The following PHKB variants were observed in gnomAD, a reference collection of about 807,000 sequenced individuals.
PHKB encodes the protein phosphorylase b kinase regulatory subunit beta.
In PHKB, 122 loss-of-function variants were observed where a neutral mutation model predicts 152.1. The observed-to-expected ratio is 0.80, with a 90% CI of 0.69 to 0.93. The LOEUF (loss-of-function observed/expected upper bound fraction) is 0.93. Among genes scored for constraint, PHKB ranks in the 40% least tolerant of loss-of-function variants. PHKB has a pLI of 0.00. For synonymous variants in PHKB, 436 were observed against 464.9 expected (o/e 0.94, Z 0.80); for missense variants, 1,304 against 1,328.4 (o/e 0.98, Z 0.29).
chr16:47,566,793 G>C, intron 7 of PHKB: 3 of 732,988 alleles, frequency 4.1e-6, no homozygotes, highest in Non-Finnish European at 7.6e-6. Context: ...GACTGGTTTG[G>C]AAACATAAGT....
chr16:47,624,648 A>G lies in PHKB; in HGVS notation c.1458+13728A>G, dbSNP rs990427412. Among the ~76,000 whole-genome samples the G allele has an allele frequency of 5.3e-5, 8 of 151,962 alleles. 1 individual carries two copies. Among genetic ancestry groups the G allele is most frequent in the Non-Finnish European group, 1.2e-4 (8 of 67,990 alleles). ...CCAATTGATATTCAGTCTTTCCTCT[A>G]TATTTTGTACCTTTCTCTCTACTTA... On this transcript the variant is annotated intron_variant, in intron 14 of 30. Transcript: ENST00000323584.
rs141526941 is a variant in PHKB at position 47,565,996 on chromosome 16, G to A, written c.711-14299G>A. On this transcript the variant is annotated intron_variant, in intron 7 of 30. Coordinates refer to ENST00000323584, the MANE Select transcript of PHKB (RefSeq NM_000293.3). ...CTGGAGCTCTATGACCGATCATCCC[G>A]TCTGTTGGATCAGTCTTCATCACAG... The A allele has an allele frequency of 1.8e-4, 133 of 752,074 alleles. 1 individual carries two copies. Among genetic ancestry groups the A allele is most frequent in the African/African-American group, 1.5e-3 (86 of 57,006 alleles). The allele number at this position is 752,074 out of a possible 1,614,324, so 46.6% of individuals were successfully genotyped here. A position where few individuals can be genotyped will look rare whatever the true frequency, so the allele number is the denominator to read the frequency against.
intron 1 of PHKB, among the ~76,000 whole-genome samples, chr16:47,484,773 T>C: frequency 6.6e-6 from 1 of 152,238 alleles, no homozygotes; most frequent in East Asian, 1.9e-4. Context: ...GAATAATGTA[T>C]ATAAACTATC....
At chr16:47,561,240 A>G (rs1488581578) in intron 7 of PHKB, 1 of 152,218 alleles carries the variant, frequency 6.6e-6, no homozygotes. Context: ...CTTAAAAAAC[A>G]GTGGGCAGGT....
intron 6 of PHKB, among the ~76,000 whole-genome samples, chr16:47,544,221 A>T (rs1971116236): frequency 6.6e-6 from 1 of 152,188 alleles, no homozygotes; most frequent in African/African-American, 2.4e-5. Flanking sequence ...TCCGATAGGC[A>T]TTTAGTGCTA....
intron 10 of PHKB, 69 bp downstream of exon 10, chr16:47,589,171 A>C: frequency 8.5e-7 from 1 of 1,181,124 alleles, no homozygotes; most frequent in Non-Finnish European, 1.2e-6. Flanking sequence ...GAGACTGACC[A>C]TTGGGTTTGA....
In PHKB at chr16:47,699,473, G is replaced by C; in HGVS notation, c.*107G>C. 1 of 1,307,660 alleles carries C rather than the reference G, an allele frequency of 7.6e-7. No individual in the cohort carries two copies. Among genetic ancestry groups the C allele is most frequent in the Non-Finnish European group, 1.1e-6 (1 of 901,602 alleles). 81.0% of individuals were successfully genotyped at this position (1,307,660 alleles called of 1,614,324 possible). A position where few individuals can be genotyped will look rare whatever the true frequency, so the allele number is the denominator to read the frequency against. ...ATTAATATACGAACTGAGCATGCTG[G>C]GGAGGTGAATGCCACATCCTTGGCG... On this transcript the variant is annotated 3_prime_UTR_variant, in exon 31 of 31. Coordinates refer to ENST00000323584, the MANE Select transcript of PHKB (RefSeq NM_000293.3).
chr16:47,580,994 T>C lies in PHKB; in HGVS notation c.774+636T>C, dbSNP rs2030967918. On this transcript the variant is annotated intron_variant, in intron 8 of 30. Transcript: ENST00000323584. ...AGGAATAAAATGTAGGAATAGAGGT[T>C]ACTACTCTGGATCAAGAAGTAGGCC... 2.0e-5 allele frequency among the ~76,000 whole-genome samples: 3 copies of C among 152,214 alleles called. No individual in the cohort carries two copies. The South Asian group carries it at 6.2e-4, about 31-fold the overall frequency.
At position 47,603,660 on chromosome 16, in the gene PHKB, C is replaced by T. The variant is rs531112717; in HGVS notation, c.1363+7129C>T. 1.8e-4 allele frequency among the ~76,000 whole-genome samples: 28 copies of T among 152,100 alleles called. No homozygotes were observed. The South Asian group carries it at 2.1e-3, about 11-fold the overall frequency. Reference sequence around the variant, plus strand: ...CTGGGGCTACAGGTGCTCACCACCACGCCCGGCTAATTTTTTGTATTTTTA... The same window carrying T: ...CTGGGGCTACAGGTGCTCACCACCATGCCCGGCTAATTTTTTGTATTTTTA... On this transcript the variant is annotated intron_variant, in intron 13 of 30. Transcript: ENST00000323584.
intron 14 of PHKB, among the ~76,000 whole-genome samples, chr16:47,615,864 C>T (rs1369473501): frequency 6.6e-6 from 1 of 152,092 alleles, no homozygotes; most frequent in Non-Finnish European, 1.5e-5. Flanking sequence ...ACAATAATGG[C>T]TATCATTTAT....
At chr16:47,514,536 A>T (rs1250768352) in intron 5 of PHKB, among the ~76,000 whole-genome samples, 1 of 152,186 alleles carries the variant, frequency 6.6e-6, no homozygotes, top group East Asian at 1.9e-4. Context: ...TTTTTGTTCC[A>T]TCTGGGTGGC....
chr16:47,558,573 A>T (rs1971422132), intron 7 of PHKB, among the ~76,000 whole-genome samples: 1 of 152,172 alleles, frequency 6.6e-6, no homozygotes, highest in African/African-American at 2.4e-5. Context: ...GTTTTGAGAC[A>T]GAGTCTCACT....
At chr16:47,620,238 GATATGAAAATGCT>G (rs1237989890) in intron 14 of PHKB, among the ~76,000 whole-genome samples, 1 of 152,132 alleles carries the variant, frequency 6.6e-6, no homozygotes, top group East Asian at 1.9e-4. Context: ...AAAATATTCT[GATATGAAAATGCT>G]ATTTCAATAT....
At chr16:47,607,999 A>G (rs1315044781) in intron 13 of PHKB, among the ~76,000 whole-genome samples, 3 of 151,856 alleles carry the variant, frequency 2.0e-5, no homozygotes, top group Non-Finnish European at 4.4e-5. Context: ...AAAAGCCTAT[A>G]TAGACACTGT....
chr16:47,465,196 T>A (rs889719878), intron 1 of PHKB, among the ~76,000 whole-genome samples: 1 of 152,252 alleles, frequency 6.6e-6, no homozygotes, highest in Non-Finnish European at 1.5e-5. Context: ...ATTTCTGATT[T>A]TATCTTTGAA....
At chr16:47,635,395 A>G (rs1223817008) in intron 14 of PHKB, among the ~76,000 whole-genome samples, 1 of 152,166 alleles carries the variant, frequency 6.6e-6, no homozygotes, top group African/African-American at 2.4e-5. Context: ...CTGATTCTCA[A>G]TAAGTGTTCT....
chr16:47,678,176 A>G (rs1419958709), intron 26 of PHKB, among the ~76,000 whole-genome samples: 2 of 151,842 alleles, frequency 1.3e-5, no homozygotes, highest in Non-Finnish European at 2.9e-5. Flanking sequence ...TCATTGTTGG[A>G]CATTTGGGTT....
At chr16:47,682,129 C>A (rs571933717) in intron 26 of PHKB, among the ~76,000 whole-genome samples, 3 of 152,160 alleles carry the variant, frequency 2.0e-5, no homozygotes, top group East Asian at 1.9e-4. Flanking sequence ...CCAAGAGATC[C>A]GCTGTTAGTC....
intron 6 of PHKB, among the ~76,000 whole-genome samples, chr16:47,540,819 GTTTTTTTT>G (rs75589113): frequency 1.6e-5 from 1 of 64,284 alleles, no homozygotes; most frequent in Non-Finnish European, 2.8e-5. Flanking sequence ...TAAATGTCCT[GTTTTTTTT>G]TTTTTTTTTT....
Sources: gnomAD v4.1 joint callset for allele counts (sites outside exome capture counted in the v4.1 genomes callset) on GRCh38, gnomAD v4.1.1 for gene constraint, MANE v1.5 for transcripts, NCBI Gene and HGNC (gene_info 2026-07-23, HGNC 2026-07-21) for gene names.